The following LYG1 variants were observed in gnomAD, a reference collection of about 807,000 sequenced individuals.
LYG1 encodes lysozyme g-like protein 1.
A neutral mutation model predicts 21.7 loss-of-function variants in LYG1; 17 were observed. That is an observed-to-expected ratio of 0.78 (90% CI 0.54 to 1.18). LYG1 has a LOEUF of 1.18. LYG1 is among the 50% of genes most tolerant of loss of function. The probability of loss-of-function intolerance (pLI) is 0.00; values close to 1 mark genes in which losing one functional copy is unlikely to be tolerated. For synonymous variants in LYG1, 81 were observed against 87.4 expected, an observed-to-expected ratio of 0.93 and a Z score of 0.41; for missense variants, 211 against 238.1, an observed-to-expected ratio of 0.89 and a Z score of 0.75.
At chr2:99,292,381 G>A (rs575372898) in intron 4 of LYG1, among the ~76,000 whole-genome samples, 155 bp downstream of exon 4, 4 of 152,320 alleles carry the variant, frequency 2.6e-5, no homozygotes, top group East Asian at 3.9e-4. Context: ...ACTGCTAGCC[G>A]CCTTGCCACG....
chr2:99,285,126 C>T (rs974725575), intron 5 of LYG1, among the ~76,000 whole-genome samples: 3 of 152,110 alleles, frequency 2.0e-5, no homozygotes, highest in African/African-American at 7.2e-5. Context: ...CTTTGGGAGG[C>T]CAAGGTAGGT....
At chr2:99,287,539 G>C (rs2094104099) in intron 5 of LYG1, among the ~76,000 whole-genome samples, 1 of 151,942 alleles carries the variant, frequency 6.6e-6, no homozygotes, top group Non-Finnish European at 1.5e-5. Context: ...TGGAAAAAAG[G>C]CTTTCTTTTT....
At chr2:99,299,919 C>A (rs1008274872) in intron 1 of LYG1, among the ~76,000 whole-genome samples, 1 of 151,690 alleles carries the variant, frequency 6.6e-6, no homozygotes, top group Non-Finnish European at 1.5e-5. Flanking sequence ...TATATACACA[C>A]ACACGTACAC....
In LYG1 at chr2:99,291,176, A is replaced by T. The variant is rs2094116852; in HGVS notation, c.333+61T>A. The T allele has an allele frequency of 7.1e-6, 11 of 1,539,696 alleles. No homozygotes were observed. The South Asian group carries it at 1.3e-4, about 18-fold the overall frequency. On this transcript the variant is annotated intron_variant, in intron 5 of 6. Coordinates refer to ENST00000308528, the MANE Select transcript of LYG1 (RefSeq NM_174898.3). ...TCTGTGAAGCTTTGCCATCATCCAA[A>T]AAACAAAGCAGTGGTGCCACATAGC...
At chr2:99,289,644 CCCT>C (rs2094112647) in intron 5 of LYG1, among the ~76,000 whole-genome samples, 1 of 152,084 alleles carries the variant, frequency 6.6e-6, no homozygotes, top group Non-Finnish European at 1.5e-5. Flanking sequence ...CAGTGTGATG[CCCT>C]CCTTCAATGC....
chr2:99,287,845 A>G (rs2094105609), intron 5 of LYG1, among the ~76,000 whole-genome samples: 1 of 152,172 alleles, frequency 6.6e-6, no homozygotes, highest in African/African-American at 2.4e-5. Flanking sequence ...ATATATGATC[A>G]ACTTTTGTAA....
chr2:99,288,909 G>C (rs996579950), intron 5 of LYG1, among the ~76,000 whole-genome samples: 17 of 152,066 alleles, frequency 1.1e-4, no homozygotes, highest in African/African-American at 4.1e-4. Context: ...CCTAAATAAG[G>C]CAAGGACTCT....
At chr2:99,292,479 G>T (rs1016916493) in intron 4 of LYG1, 57 bp downstream of exon 4, 8 of 1,277,900 alleles carry the variant, frequency 6.3e-6, no homozygotes, top group African/African-American at 2.9e-5. Flanking sequence ...GTAGCGTGAG[G>T]CATGGGAAAC....
intron 3 of LYG1, among the ~76,000 whole-genome samples, chr2:99,293,663 G>A (rs4522654): frequency 0.83 from 126,338 of 152,072 alleles, 53,071 homozygotes; most frequent in Middle Eastern, 0.97. Flanking sequence ...TCAGACACTC[G>A]GGATTTCACA....
upstream of LYG1, among the ~76,000 whole-genome samples, chr2:99,303,185 G>C (rs2094159409): frequency 6.6e-6 from 1 of 152,106 alleles, no homozygotes; most frequent in Admixed American, 6.6e-5. Flanking sequence ...GTTGTTGGCA[G>C]AGTTGGGGTA....
chr2:99,301,974 C>T (rs1449841628), upstream of LYG1, among the ~76,000 whole-genome samples: 2 of 152,172 alleles, frequency 1.3e-5, no homozygotes, highest in African/African-American at 2.4e-5. Context: ...GGAAAGGGTG[C>T]ATTTCATGAC....
At chr2:99,304,268 T>A (rs1302195676), upstream of LYG1, among the ~76,000 whole-genome samples, 9 of 152,066 alleles carry the variant, frequency 5.9e-5, no homozygotes, top group Non-Finnish European at 1.0e-4. Flanking sequence ...CATGGTAGTG[T>A]ATAAGTCTCA....
At chr2:99,297,518 G>C (rs540706019) in intron 2 of LYG1, among the ~76,000 whole-genome samples, 1 of 152,236 alleles carries the variant, frequency 6.6e-6, no homozygotes, top group Admixed American at 6.5e-5. Flanking sequence ...AGCTTTTATT[G>C]TAACAGGAGA....
intron 2 of LYG1, among the ~76,000 whole-genome samples, chr2:99,296,297 C>T (rs561676637): frequency 1.3e-5 from 2 of 152,086 alleles, no homozygotes; most frequent in East Asian, 1.9e-4. Context: ...AACCCCAATG[C>T]GGCAACAAAC....
chr2:99,303,150 G>C (rs1347065991), upstream of LYG1, among the ~76,000 whole-genome samples: 1 of 152,116 alleles, frequency 6.6e-6, no homozygotes, highest in Non-Finnish European at 1.5e-5. Context: ...TGGGAGGGGA[G>C]TGTGAGAACA....
At position 99,291,382 on chromosome 2, in the gene LYG1, G is replaced by A; in HGVS notation, c.188C>T (p.Pro63Leu). Residue 63 changes from proline (P) to leucine (L), a missense_variant, in exon 5 of 7, where the codon CCA becomes CTA. Pro to Leu is a moderately conservative substitution (Grantham distance 98, BLOSUM62 -3). Transcript: ENST00000308528. ...CATGGGTTGATATTTCAGGAGGTAT[G>A]GCATGTCTATTTCAGCCAGCCTTTC... is the stretch of plus-strand genomic sequence containing the variant. ...ASERLAEIDM[P>L]YLLKYQPMMQ... 3 of 1,614,126 alleles carry A rather than the reference G, an allele frequency of 1.9e-6. No individual in the cohort carries two copies. Among genetic ancestry groups the A allele is most frequent in the Non-Finnish European group, 2.5e-6 (3 of 1,180,018 alleles).
chr2:99,293,060 C>T (rs538029036), intron 3 of LYG1, among the ~76,000 whole-genome samples: 13 of 132,944 alleles, frequency 9.8e-5, no homozygotes, highest in African/African-American at 3.1e-4. Flanking sequence ...GGCACGATCT[C>T]GACTCTCTGC....
chr2:99,284,300 C>G lies in LYG1; in HGVS notation c.*93G>C. 1 of 1,081,990 alleles carries G rather than the reference C, an allele frequency of 9.2e-7. No individual in the cohort carries two copies. The highest frequency in any genetic ancestry group is 1.4e-6 in the Non-Finnish European group (1 of 726,142). 67.0% of individuals were successfully genotyped at this position (1,081,990 alleles called of 1,614,324 possible). On this transcript the variant is annotated 3_prime_UTR_variant, in exon 7 of 7. Transcript: ENST00000308528. Reference sequence around the variant, plus strand: ...ATTTTAATGACTTTTAGGTCAAACTCAGATTCCCAGTTACAGGTGCCCTTG... The same window carrying G: ...ATTTTAATGACTTTTAGGTCAAACTGAGATTCCCAGTTACAGGTGCCCTTG...
At chr2:99,294,206 A>G (rs2094129656) in intron 3 of LYG1, among the ~76,000 whole-genome samples, 1 of 152,198 alleles carries the variant, frequency 6.6e-6, no homozygotes, top group Non-Finnish European at 1.5e-5. Flanking sequence ...GAGCCACCGC[A>G]TACACCTGGT....
Sources: allele counts gnomAD v4.1 joint callset (sites outside exome capture counted in the v4.1 genomes callset), GRCh38; gene constraint gnomAD v4.1.1; transcripts MANE v1.5; gene names NCBI Gene and HGNC (gene_info 2026-07-23, HGNC 2026-07-21).